The following TSC22D3 variants were observed in gnomAD, a reference collection of about 807,000 sequenced individuals.
TSC22D3 encodes the protein TSC22 domain family protein 3.
In TSC22D3, 4 loss-of-function variants were observed where a neutral mutation model predicts 11.1. That is an observed-to-expected ratio of 0.36 (90% CI 0.18 to 0.83). TSC22D3 has a LOEUF of 0.83. TSC22D3 is among the 40% of genes least tolerant of loss of function. The pLI is 0.48. For missense variants in TSC22D3, 118 were observed against 159.4 expected (o/e 0.74, Z 1.40); for synonymous variants, 77 against 70.3 (o/e 1.10, Z -0.48).
chrX:107,727,258 T>C (rs1240334104), intron 1 of TSC22D3, among the ~76,000 whole-genome samples: 1 of 112,248 alleles, frequency 8.9e-6, no homozygotes, highest in Non-Finnish European at 1.9e-5. Context: ...AAGGGAGTTA[T>C]GCCCCAAGAA....
intron 1 of TSC22D3, among the ~76,000 whole-genome samples, chrX:107,759,110 C>T (rs989260887): frequency 9.0e-6 from 1 of 111,115 alleles, no homozygotes; most frequent in Non-Finnish European, 1.9e-5. Context: ...AGGTGGTCCA[C>T]CCGCCTTGGC....
At chrX:107,715,856 C>T in intron 2 of TSC22D3, 43 bp downstream of exon 2, 1 of 1,197,713 alleles carries the variant, frequency 8.3e-7, no homozygotes, top group Non-Finnish European at 1.1e-6. Context: ...ACATAAGCAG[C>T]AGCTAAGTCA....
chrX:107,714,839 G>A, intron 2 of TSC22D3, 90 bp from the exon 3 acceptor site: 1 of 894,042 alleles, frequency 1.1e-6, no homozygotes, highest in South Asian at 2.2e-5. Context: ...TGCCTGTGCT[G>A]TCCTTAATGC....
At chrX:107,740,432 A>G (rs1193540163) in intron 1 of TSC22D3, among the ~76,000 whole-genome samples, 1 of 111,905 alleles carries the variant, frequency 8.9e-6, no homozygotes, top group Admixed American at 9.4e-5. Context: ...CAATACAAAA[A>G]TTAGCTGGGC....
At chrX:107,766,353 G>A (rs1929651662) in intron 1 of TSC22D3, among the ~76,000 whole-genome samples, 1 of 111,077 alleles carries the variant, frequency 9.0e-6, no homozygotes, top group Non-Finnish European at 1.9e-5. Context: ...ACTTCATGGA[G>A]CGTGGACTGG....
At chrX:107,735,148 G>T (rs928573459) in intron 1 of TSC22D3, among the ~76,000 whole-genome samples, 7 of 106,995 alleles carry the variant, frequency 6.5e-5, no homozygotes, top group South Asian at 7.9e-4. Context: ...AATTGTTGGG[G>T]TTTTTTTTTT....
chrX:107,725,676 T>G (rs1927584804), intron 1 of TSC22D3, among the ~76,000 whole-genome samples: 1 of 111,796 alleles, frequency 8.9e-6, no homozygotes, highest in Non-Finnish European at 1.9e-5. Context: ...AGAGAGATGA[T>G]CCTGAACATG....
In TSC22D3 at chrX:107,716,413, G is replaced by C. The variant is rs376329005; in HGVS notation, c.321-463C>G. 10 of 963,032 alleles carry C rather than the reference G, an allele frequency of 1.0e-5. 1 individual carries two copies. The East Asian group carries it at 2.1e-4, about 20-fold the overall frequency. The allele number at this position is 963,032 out of a possible 1,213,427, so 79.4% of individuals were successfully genotyped here. A position where few individuals can be genotyped will look rare whatever the true frequency, so the allele number is the denominator to read the frequency against. Reference sequence around the variant, plus strand: ...CTCGGCCAGCCCCCTGCCCAGCCCTGTCTGGTCCTGCCCGCCGCCCCTCTG... The same window carrying C: ...CTCGGCCAGCCCCCTGCCCAGCCCTCTCTGGTCCTGCCCGCCGCCCCTCTG... On this transcript the variant is annotated intron_variant, in intron 1 of 2. Transcript: ENST00000372383.
chrX:107,721,258 T>C (rs1013243844), intron 1 of TSC22D3, among the ~76,000 whole-genome samples: 1 of 112,220 alleles, frequency 8.9e-6, no homozygotes, highest in African/African-American at 3.2e-5. Flanking sequence ...GAAACCAGCA[T>C]ATTCCCTTTG....
intron 1 of TSC22D3, chrX:107,716,238 G>A (rs982629191): frequency 4.4e-6 from 4 of 917,137 alleles, no homozygotes; most frequent in Non-Finnish European, 5.6e-6. Flanking sequence ...GGCCTGCTCG[G>A]GCAATATGCA....
intron 1 of TSC22D3, among the ~76,000 whole-genome samples, chrX:107,748,544 G>A (rs897981219): frequency 9.0e-5 from 10 of 111,576 alleles, no homozygotes; most frequent in African/African-American, 9.8e-5. Context: ...TCTGGGGCAC[G>A]GTGGGATCTT....
At chrX:107,726,794 AGGC>A (rs1312267224) in intron 1 of TSC22D3, among the ~76,000 whole-genome samples, 1 of 111,353 alleles carries the variant, frequency 9.0e-6, no homozygotes, top group African/African-American at 3.3e-5. Context: ...CTGACCAAGA[AGGC>A]TTCCTGCCAA....
At chrX:107,739,171 G>A (rs1489065774) in intron 1 of TSC22D3, among the ~76,000 whole-genome samples, 10 of 113,051 alleles carry the variant, frequency 8.8e-5, no homozygotes, top group Admixed American at 9.2e-5. Flanking sequence ...GGGAACTGGA[G>A]GGGGCAAGCC....
chrX:107,739,004 C>T (rs971516668), intron 1 of TSC22D3, among the ~76,000 whole-genome samples: 16 of 113,030 alleles, frequency 1.4e-4, no homozygotes, highest in African/African-American at 4.8e-4. Flanking sequence ...TGGCACTGCC[C>T]GGCCCTTCAG....
chrX:107,716,514 C>T, intron 1 of TSC22D3: 1 of 1,025,856 alleles, frequency 9.7e-7, no homozygotes, highest in Non-Finnish European at 1.2e-6. Context: ...ATGACGGATC[C>T]CAGAGCGGCG....
chrX:107,724,782 G>C (rs754260382), intron 1 of TSC22D3, among the ~76,000 whole-genome samples: 1 of 112,648 alleles, frequency 8.9e-6, no homozygotes, highest in Non-Finnish European at 1.9e-5. Flanking sequence ...TACTGGGAAC[G>C]GGAAGTCCTG....
At chrX:107,722,141 G>A (rs1252601314) in intron 1 of TSC22D3, 2 of 269,361 alleles carry the variant, frequency 7.4e-6, no homozygotes, top group Non-Finnish European at 1.3e-5. Context: ...CCAGAGCTCC[G>A]AATTTCAGGG....
chrX:107,754,086 T>G (rs900973711), intron 1 of TSC22D3, among the ~76,000 whole-genome samples: 5 of 110,424 alleles, frequency 4.5e-5, no homozygotes, highest in African/African-American at 1.7e-4. Flanking sequence ...TAGCTAATTT[T>G]TTTTTGTATT....
chrX:107,740,105 C>G (rs1378231857), intron 1 of TSC22D3, among the ~76,000 whole-genome samples: 1 of 111,967 alleles, frequency 8.9e-6, no homozygotes, highest in Non-Finnish European at 1.9e-5. Context: ...GAGGGGAAAT[C>G]TGAGGCTCAG....
Sources: allele counts gnomAD v4.1 joint callset (sites outside exome capture counted in the v4.1 genomes callset), GRCh38; gene constraint gnomAD v4.1.1; transcripts MANE v1.5; gene names NCBI Gene and HGNC (gene_info 2026-07-23, HGNC 2026-07-21).